TRIM27: variants seen among roughly 807,000 people sequenced by gnomAD.
TRIM27 encodes zinc finger protein RFP.
In TRIM27, 12 loss-of-function variants were observed where a neutral mutation model predicts 57.6. The observed-to-expected ratio is 0.21, with a 90% CI of 0.13 to 0.34. TRIM27 has a LOEUF of 0.34. TRIM27 is among the 10% of genes least tolerant of loss of function. The pLI is 1.00. For missense variants in TRIM27, 403 were observed against 656.8 expected (o/e 0.61, Z 4.22); for synonymous variants, 266 against 259.0 (o/e 1.03, Z -0.26).
At chr6:28,914,266 C>G (rs1773436459) in intron 3 of TRIM27, among the ~76,000 whole-genome samples, 1 of 151,304 alleles carries the variant, frequency 6.6e-6, no homozygotes, top group African/African-American at 2.4e-5. Flanking sequence ...TCCCAGGTAG[C>G]TGAGATTACA....
intron 3 of TRIM27, chr6:28,915,706 A>G (rs189006168): frequency 8.5e-5 from 13 of 152,210 alleles, no homozygotes; most frequent in African/African-American, 3.1e-4. Context: ...GCTCCTGCAC[A>G]AGGATAACAC....
intron 6 of TRIM27, chr6:28,907,659 T>C (rs1373991457): frequency 2.0e-6 from 1 of 508,850 alleles, no homozygotes; most frequent in Non-Finnish European, 3.9e-6. Flanking sequence ...CAAGTGACAC[T>C]CACTGACACT....
In TRIM27 at chr6:28,923,918, C is replaced by T. The variant is rs1774275975; in HGVS notation, c.-286G>A. 2 of 420,532 alleles carry T rather than the reference C, an allele frequency of 4.8e-6. No individual in the cohort carries two copies. The highest frequency in any genetic ancestry group is 4.2e-6 in the Non-Finnish European group (1 of 238,162). 26.1% of individuals were successfully genotyped at this position (420,532 alleles called of 1,614,324 possible). ...GGAAAGGGTAGCCGAGGGTCAGAGT[C>T]CCAGGGCCAGGCGGGCAAAGCGCGC... is the stretch of plus-strand genomic sequence containing the variant. On this transcript the variant is annotated 5_prime_UTR_variant, in exon 1 of 8. Transcript: ENST00000377199.
chr6:28,903,479 G>A lies in TRIM27; in HGVS notation c.*591C>T. The A allele has an allele frequency of 4.3e-6, 1 of 233,836 alleles. No individual in the cohort carries two copies. Among genetic ancestry groups the A allele is most frequent in the Non-Finnish European group, 8.4e-6 (1 of 118,478 alleles). The allele number at this position is 233,836 out of a possible 1,614,324, so 14.5% of individuals were successfully genotyped here. ...AACATTATCTCATAACAGAGGTGGG[G>A]CCATTACCCACCATTATTGTAAAAT... On this transcript the variant is annotated 3_prime_UTR_variant, in exon 8 of 8. Coordinates refer to ENST00000377199, the MANE Select transcript of TRIM27 (RefSeq NM_006510.5).
chr6:28,911,345 A>AAG, intron 4 of TRIM27: 1 of 224,328 alleles, frequency 4.5e-6, no homozygotes, highest in Non-Finnish European at 8.6e-6. Context: ...TACAGAAAAA[A>AAG]AAAAATGAGA....
At chr6:28,913,133 T>C (rs1387515346) in intron 3 of TRIM27, among the ~76,000 whole-genome samples, 1 of 151,738 alleles carries the variant, frequency 6.6e-6, no homozygotes, top group Admixed American at 6.6e-5. Flanking sequence ...CGTATGCCTG[T>C]AATCCCAGCT....
intron 3 of TRIM27, chr6:28,914,888 CTTG>C (rs1773488896): frequency 6.6e-6 from 1 of 150,954 alleles, no homozygotes; most frequent in Non-Finnish European, 1.5e-5. Context: ...TATTTTATCA[CTTG>C]TTTTTTTTTT....
intron 3 of TRIM27, among the ~76,000 whole-genome samples, chr6:28,916,713 T>C (rs1773639220): frequency 6.6e-6 from 1 of 152,172 alleles, no homozygotes; most frequent in Non-Finnish European, 1.5e-5. Context: ...TTTTGGGTGG[T>C]AAAAGTGTTT....
At chr6:28,916,414 T>A (rs890925920) in intron 3 of TRIM27, among the ~76,000 whole-genome samples, 4 of 150,942 alleles carry the variant, frequency 2.7e-5, no homozygotes, top group African/African-American at 9.7e-5. Context: ...TAGCCAGGGG[T>A]GGTGGCGCAT....
chr6:28,922,882 T>G (rs976967441), intron 1 of TRIM27, among the ~76,000 whole-genome samples: 1 of 151,958 alleles, frequency 6.6e-6, no homozygotes, highest in Non-Finnish European at 1.5e-5. Context: ...GGAGTAAGAG[T>G]GTCTGCAGCT....
chr6:28,914,581 T>TGGTG (rs1554184633), intron 3 of TRIM27, among the ~76,000 whole-genome samples: 1 of 38,944 alleles, frequency 2.6e-5, no homozygotes, highest in African/African-American at 9.0e-5. Context: ...ATTGCAAGGG[T>TGGTG]GGGGGGGGGG....
chr6:28,920,340 G>T, intron 2 of TRIM27, 98 bp from the exon 3 acceptor site: 2 of 1,028,926 alleles, frequency 1.9e-6, no homozygotes, highest in Non-Finnish European at 2.8e-6. Flanking sequence ...ACCTCATTAT[G>T]GATTAAAACA....
chr6:28,907,967 CAA>C (rs990922538), intron 6 of TRIM27: 1 of 179,220 alleles, frequency 5.6e-6, no homozygotes, highest in African/African-American at 2.4e-5. Flanking sequence ...AGAAAATTAT[CAA>C]AGATTGTGGG....
chr6:28,907,143 A>G, intron 7 of TRIM27, 93 bp downstream of exon 7: 1 of 1,244,158 alleles, frequency 8.0e-7, no homozygotes, highest in African/African-American at 1.5e-5. Flanking sequence ...AAGAATCCAA[A>G]TCTAAGCAAT....
chr6:28,911,991 T>TTAA (rs1366127419), intron 3 of TRIM27, among the ~76,000 whole-genome samples: 2 of 152,218 alleles, frequency 1.3e-5, no homozygotes, highest in Non-Finnish European at 2.9e-5. Flanking sequence ...ATTTACTAAC[T>TTAA]TAAGCGTCCT....
intron 3 of TRIM27, among the ~76,000 whole-genome samples, chr6:28,914,428 C>T (rs1421859701): frequency 6.6e-6 from 1 of 151,686 alleles, no homozygotes; most frequent in African/African-American, 2.4e-5. Flanking sequence ...AGTCACTGCA[C>T]CCGGCCTATC....
At chr6:28,908,919 T>C in intron 5 of TRIM27, 54 bp downstream of exon 5, 1 of 1,599,196 alleles carries the variant, frequency 6.3e-7, no homozygotes, top group Non-Finnish European at 8.6e-7. Flanking sequence ...TCAGGCAATA[T>C]GCAGATACTC....
chr6:28,911,825 A>C, intron 3 of TRIM27, 107 bp from the exon 4 acceptor site: 1 of 1,066,474 alleles, frequency 9.4e-7, no homozygotes, highest in Non-Finnish European at 1.4e-6. Flanking sequence ...CTCATGGGAG[A>C]AATTAGGGAG....
rs576151795 is a variant in TRIM27 at position 28,914,024 on chromosome 6, T to G, written c.748-2306A>C. On this transcript the variant is annotated intron_variant, in intron 3 of 7. Coordinates refer to ENST00000377199, the MANE Select transcript of TRIM27 (RefSeq NM_006510.5). ...TCTTTCACAGTGTAGCCTACCTATG[T>G]TTTTTTTTTTTTTTTAAGACAGAGT... Among the ~76,000 whole-genome samples the G allele has an allele frequency of 5.2e-3, 604 of 115,744 alleles. 2 individuals are homozygous for G. The highest frequency in any genetic ancestry group is 6.5e-3 in the Non-Finnish European group (334 of 51,434). The allele number at this position is 115,744 out of a possible 152,430, so 75.9% of individuals were successfully genotyped here. A position where few individuals can be genotyped will look rare whatever the true frequency, so the allele number is the denominator to read the frequency against.
Sources: gnomAD v4.1 joint callset for allele counts (sites outside exome capture counted in the v4.1 genomes callset) on GRCh38, gnomAD v4.1.1 for gene constraint, MANE v1.5 for transcripts, NCBI Gene and HGNC (gene_info 2026-07-23, HGNC 2026-07-21) for gene names.